CACNB4: variants seen among roughly 807,000 people sequenced by gnomAD.
The protein encoded by CACNB4 is calcium voltage-gated channel auxiliary subunit beta 4.
A neutral mutation model predicts 71.2 loss-of-function variants in CACNB4; 32 were observed. That is an observed-to-expected ratio of 0.45 (90% CI 0.34 to 0.60). CACNB4 has a LOEUF of 0.60. Ranked by LOEUF, CACNB4 falls within the 20% of genes least tolerant of loss-of-function variation. The pLI is 0.01. For missense variants in CACNB4, 464 were observed against 647.9 expected, an observed-to-expected ratio of 0.72 and a Z score of 3.08; for synonymous variants, 231 against 236.9, an observed-to-expected ratio of 0.97 and a Z score of 0.23.
chr2:152,080,904 G>A (rs1687326251), intron 2 of CACNB4, among the ~76,000 whole-genome samples: 3 of 151,992 alleles, frequency 2.0e-5, no homozygotes, highest in African/African-American at 4.8e-5. Context: ...TCCCAATCTC[G>A]CCATGTGATA....
chr2:152,001,194 C>G (rs1204132047), intron 2 of CACNB4, among the ~76,000 whole-genome samples: 1 of 152,100 alleles, frequency 6.6e-6, no homozygotes, highest in Admixed American at 6.5e-5. Context: ...ATGGCCTTAA[C>G]CACAGCCTCC....
rs1011737870 is a variant in CACNB4, at chr2:151,836,650, A to G, written c.*2469T>C. 1 of 151,950 alleles carries G rather than the reference A, an allele frequency of 6.6e-6. No individual in the cohort carries two copies. The allele number at this position is 151,950 out of a possible 1,614,324, so 9.4% of individuals were successfully genotyped here. ...ATGGACATCTGATGGTAATTGATAG[A>G]TTGGTTTTGTGCACAGATATTGAAT... On this transcript the variant is annotated 3_prime_UTR_variant, in exon 14 of 14. Transcript: ENST00000539935.
chr2:151,981,141 C>G (rs1055774966), intron 2 of CACNB4, among the ~76,000 whole-genome samples: 2 of 152,232 alleles, frequency 1.3e-5, no homozygotes, highest in Non-Finnish European at 2.9e-5. Context: ...TCCCACACCT[C>G]TACCAGTGGG....
intron 2 of CACNB4, among the ~76,000 whole-genome samples, chr2:151,884,689 G>A (rs112151155): frequency 2.0e-5 from 3 of 149,110 alleles, no homozygotes; most frequent in African/African-American, 7.4e-5. Flanking sequence ...CTGATGTGGC[G>A]AAGTTAAAAA....
intron 2 of CACNB4, among the ~76,000 whole-genome samples, chr2:151,941,384 C>T (rs1263930582): frequency 2.0e-5 from 3 of 148,944 alleles, no homozygotes; most frequent in Non-Finnish European, 4.4e-5. Context: ...TGGGTTCAAG[C>T]AATTCTCCTG....
intron 2 of CACNB4, among the ~76,000 whole-genome samples, chr2:151,991,035 A>G (rs1681677588): frequency 1.3e-5 from 2 of 152,212 alleles, no homozygotes; most frequent in Non-Finnish European, 2.9e-5. Flanking sequence ...TTCAACAAAA[A>G]TTGCATGTCT....
intron 2 of CACNB4, among the ~76,000 whole-genome samples, chr2:151,966,209 T>C (rs12479128): frequency 0.48 from 73,277 of 151,950 alleles, 20,439 homozygotes; most frequent in Non-Finnish European, 0.64. Context: ...GACTTGCCCA[T>C]GGTCACTGTT....
intron 2 of CACNB4, among the ~76,000 whole-genome samples, chr2:152,069,688 A>G (rs1686560094): frequency 1.3e-5 from 2 of 152,054 alleles, no homozygotes; most frequent in African/African-American, 4.8e-5. Flanking sequence ...TGATCTTGTC[A>G]TAGGATTTCA....
intron 9 of CACNB4, among the ~76,000 whole-genome samples, chr2:151,864,004 G>A (rs1320303617): frequency 6.6e-6 from 1 of 151,992 alleles, no homozygotes; most frequent in Non-Finnish European, 1.5e-5. Flanking sequence ...TTTTATAAAA[G>A]GCTCTCCAGA....
At chr2:151,998,746 G>A (rs1018501187) in intron 2 of CACNB4, among the ~76,000 whole-genome samples, 2 of 152,166 alleles carry the variant, frequency 1.3e-5, no homozygotes, top group Admixed American at 6.5e-5. Flanking sequence ...GCTGTATTCA[G>A]CACACCCCCC....
intron 2 of CACNB4, among the ~76,000 whole-genome samples, chr2:151,984,864 T>C (rs184025266): frequency 6.6e-5 from 10 of 152,338 alleles, no homozygotes; most frequent in Admixed American, 6.5e-4. Context: ...CCACTCATTA[T>C]ACTTTCCTCA....
rs182254818 is a variant in CACNB4, at chr2:152,039,148, G to A, written c.147+59182C>T. 1.8e-3 allele frequency among the ~76,000 whole-genome samples: 279 copies of A among 152,318 alleles called. 4 individuals carry two copies. The Middle Eastern group carries it at 0.054, about 30-fold the overall frequency. On this transcript the variant is annotated intron_variant, in intron 2 of 13. Transcript: ENST00000539935. ...GAATCTTATTATTGGGCCGAGCGCG[G>A]TGGCTCACACCTGTAATCCCAGCAC... is the stretch of plus-strand genomic sequence containing the variant.
intron 2 of CACNB4, among the ~76,000 whole-genome samples, chr2:151,961,087 C>T (rs964157854): frequency 3.3e-5 from 5 of 152,152 alleles, no homozygotes; most frequent in South Asian, 2.1e-4. Flanking sequence ...CACCCCTGCC[C>T]GGTCAACATA....
chr2:152,085,513 G>A (rs1319495015), intron 2 of CACNB4, among the ~76,000 whole-genome samples: 3 of 151,940 alleles, frequency 2.0e-5, no homozygotes, highest in Non-Finnish European at 4.4e-5. Context: ...AGTATCTGGG[G>A]GCAGAACTAC....
chr2:151,999,534 C>T (rs542349736), intron 2 of CACNB4, among the ~76,000 whole-genome samples: 2 of 152,294 alleles, frequency 1.3e-5, no homozygotes, highest in East Asian at 3.9e-4. Context: ...TTACCTCTAA[C>T]CCAATTTACC....
chr2:152,022,609 A>G (rs1683729754), intron 2 of CACNB4, among the ~76,000 whole-genome samples: 1 of 152,224 alleles, frequency 6.6e-6, no homozygotes, highest in African/African-American at 2.4e-5. Flanking sequence ...CATATACGAA[A>G]GCATGGGCTT....
intron 2 of CACNB4, among the ~76,000 whole-genome samples, chr2:151,953,682 C>A (rs942785469): frequency 2.0e-4 from 30 of 152,210 alleles, no homozygotes; most frequent in Non-Finnish European, 3.5e-4. Context: ...ATGCTCCCTC[C>A]TGGTGGTTTC....
intron 2 of CACNB4, among the ~76,000 whole-genome samples, chr2:151,955,039 TAG>T (rs2099867885): frequency 6.6e-6 from 1 of 151,892 alleles, no homozygotes; most frequent in Non-Finnish European, 1.5e-5. Context: ...GTATTTTTAG[TAG>T]AGACAGGGTT....
intron 2 of CACNB4, among the ~76,000 whole-genome samples, chr2:152,008,914 T>G (rs1579118526): frequency 6.6e-6 from 1 of 152,118 alleles, no homozygotes; most frequent in Non-Finnish European, 1.5e-5. Flanking sequence ...CTTCCCTTGG[T>G]TCTGTCATTA....
Sources: gnomAD v4.1 joint callset for allele counts (sites outside exome capture counted in the v4.1 genomes callset) on GRCh38, gnomAD v4.1.1 for gene constraint, MANE v1.5 for transcripts, NCBI Gene and HGNC (gene_info 2026-07-23, HGNC 2026-07-21) for gene names.